Variants in MLXIP observed in about 807,000 individuals in gnomAD.
MLXIP encodes the protein MLX-interacting protein.
In MLXIP, 30 loss-of-function variants were observed where a neutral mutation model predicts 87.2. The ratio of observed to expected loss-of-function variants is 0.34; its 90% CI spans 0.26 to 0.47. The LOEUF is 0.47. MLXIP is among the 20% of genes least tolerant of loss of function. MLXIP has a pLI of 1.00. For missense variants in MLXIP, 1,002 were observed against 1,240.1 expected (o/e 0.81, Z 2.88); for synonymous variants, 530 against 514.0 (o/e 1.03, Z -0.42).
intron 1 of MLXIP, among the ~76,000 whole-genome samples, chr12:122,088,267 G>A (rs1565956917): frequency 6.6e-6 from 1 of 152,186 alleles, no homozygotes; most frequent in South Asian, 2.1e-4. Context: ...TCTCCTGCGG[G>A]CTGTTTCTGC....
intron 1 of MLXIP, among the ~76,000 whole-genome samples, chr12:122,084,703 T>C (rs1261240530): frequency 6.6e-6 from 1 of 152,132 alleles, no homozygotes; most frequent in Non-Finnish European, 1.5e-5. Flanking sequence ...TGCATCACCA[T>C]GCCCAGCTAA....
At chr12:122,084,073 TAG>T (rs778767761) in intron 1 of MLXIP, among the ~76,000 whole-genome samples, 3 of 151,912 alleles carry the variant, frequency 2.0e-5, no homozygotes, top group Non-Finnish European at 2.9e-5. Context: ...CAGATAGTTA[TAG>T]AACAGTTAGT....
intron 1 of MLXIP, among the ~76,000 whole-genome samples, chr12:122,085,308 C>T (rs1401457375): frequency 6.6e-6 from 1 of 152,148 alleles, no homozygotes; most frequent in Admixed American, 6.5e-5. Context: ...CCGCGCTAAG[C>T]CTAACAGCTT....
intron 1 of MLXIP, among the ~76,000 whole-genome samples, chr12:122,089,433 T>C (rs578106022): frequency 6.6e-6 from 1 of 152,352 alleles, no homozygotes; most frequent in East Asian, 1.9e-4. Context: ...AAACAACTGT[T>C]TTCTAGTTGA....
intron 1 of MLXIP, among the ~76,000 whole-genome samples, chr12:122,080,601 G>C (rs1952076994): frequency 6.6e-6 from 1 of 152,158 alleles, no homozygotes; most frequent in East Asian, 1.9e-4. Flanking sequence ...TTTCCCTGAT[G>C]ATCTGTTCCC....
intron 1 of MLXIP, among the ~76,000 whole-genome samples, chr12:122,115,588 C>CAAA (rs35318582): frequency 0.43 from 47,714 of 110,570 alleles, 11,135 homozygotes; most frequent in Middle Eastern, 0.6. Flanking sequence ...AACTCCTTCT[C>CAAA]AAAAAAAAAA....
chr12:122,096,495 C>A (rs1205658020), intron 1 of MLXIP, among the ~76,000 whole-genome samples: 1 of 152,160 alleles, frequency 6.6e-6, no homozygotes, highest in African/African-American at 2.4e-5. Context: ...CTAAAAATGG[C>A]AGCAATTCTT....
At position 122,140,996 on chromosome 12, in the gene MLXIP, A is replaced by G. The variant is rs748449139; in HGVS notation, c.2551A>G (p.Met851Val). 5 of 1,614,016 alleles carry G rather than the reference A, an allele frequency of 3.1e-6. No homozygotes were observed. The highest frequency in any genetic ancestry group is 2.2e-5 in the South Asian group (2 of 91,088). The stretch of plus-strand genomic sequence containing the variant: ...GCCGCTGTTTGAGTCGTTCAAGGGC[A>G]TGGTGTCCACCAGCAGCCTGGAGGA... ...IKPLFESFKG[M>V]VSTSSLEELH... Residue 851 changes from methionine to valine, a missense_variant, in exon 16 of 17, where the codon ATG becomes GTG. Met to Val is a conservative substitution (Grantham distance 21, BLOSUM62 1). Coordinates refer to ENST00000319080, the MANE Select transcript of MLXIP (RefSeq NM_014938.6).
chr12:122,115,133 T>C (rs1316063565), intron 1 of MLXIP, among the ~76,000 whole-genome samples: 1 of 152,204 alleles, frequency 6.6e-6, no homozygotes, highest in Non-Finnish European at 1.5e-5. Flanking sequence ...GAGTTTGCTT[T>C]TGTTCTTTGC....
At chr12:122,138,968 C>T (rs368188489) in intron 15 of MLXIP, 30 bp downstream of exon 15, 47 of 1,612,112 alleles carry the variant, frequency 2.9e-5, no homozygotes, top group Admixed American at 6.7e-5. Context: ...TTGCTCTTCC[C>T]GGCCCTCAGC....
Position 122,109,307 on chromosome 12 carries a change from G to C in MLXIP, c.414-17949G>C, listed in dbSNP as rs552694413. 6.6e-5 allele frequency among the ~76,000 whole-genome samples: 10 copies of C among 152,352 alleles called. No homozygotes were observed. The South Asian group carries it at 2.1e-3, about 32-fold the overall frequency. ...TGGTCTTGAACTCCTGACCTGAAGT[G>C]ATCCGCCCGCCTTGGCCTCCCAAAG... is the stretch of plus-strand genomic sequence containing the variant. On this transcript the variant is annotated intron_variant, in intron 1 of 16. Coordinates refer to ENST00000319080, the MANE Select transcript of MLXIP (RefSeq NM_014938.6).
intron 1 of MLXIP, among the ~76,000 whole-genome samples, chr12:122,083,423 T>C (rs1952120238): frequency 6.6e-6 from 1 of 152,068 alleles, no homozygotes; most frequent in South Asian, 2.1e-4. Context: ...TTCATTCTTT[T>C]TTTTTTTTGA....
chr12:122,135,508 T>G lies in MLXIP; in HGVS notation c.1874T>G (p.Phe625Cys), dbSNP rs1953072297. The G allele has an allele frequency of 1.2e-6, 2 of 1,609,504 alleles. No individual in the cohort carries two copies. Among genetic ancestry groups the G allele is most frequent in the African/African-American group, 2.7e-5 (2 of 74,954 alleles). ...AIARAPGVPE[F>C]HSSILVTDLG... ...CTGCAGGCTCCTGGGGTCCCGGAGT[T>G]CCACAGCAGCATCCTGGTGACAGAT... Residue 625 changes from phenylalanine to cysteine, a missense_variant, in exon 11 of 17, where the codon TTC (phenylalanine) becomes TGC (cysteine). Coordinates refer to ENST00000319080, the MANE Select transcript of MLXIP (RefSeq NM_014938.6). The surrounding 1 kb of genome is among the most constrained non-coding windows in gnomAD (Gnocchi z 5.3).
chr12:122,132,033 C>T (rs1256414398), intron 7 of MLXIP, among the ~76,000 whole-genome samples: 2 of 150,604 alleles, frequency 1.3e-5, no homozygotes, highest in Non-Finnish European at 1.5e-5. Flanking sequence ...AAGCCATTCT[C>T]CTGCCTCAGC....
At chr12:122,140,663 G>A (rs145059536) in intron 15 of MLXIP, among the ~76,000 whole-genome samples, 4 of 152,138 alleles carry the variant, frequency 2.6e-5, no homozygotes, top group Non-Finnish European at 4.4e-5. Flanking sequence ...GATTTTGATC[G>A]CATGTTTGTG....
In MLXIP at chr12:122,135,704, A is replaced by C. The variant is rs1953078763; in HGVS notation, c.2032+38A>C. 6.9e-7 allele frequency: 1 copy of C among 1,457,714 alleles called. No individual in the cohort carries two copies. Among genetic ancestry groups the C allele is most frequent in the Non-Finnish European group, 9.0e-7 (1 of 1,106,658 alleles). The allele number at this position is 1,457,714 out of a possible 1,614,324, so 90.3% of individuals were successfully genotyped here. A position where few individuals can be genotyped will look rare whatever the true frequency, so the allele number is the denominator to read the frequency against. ...TCGGCGGGATGGTTGGGGCATCGCA[A>C]GGGAAGTAACTGGGCCTGCCGTAGA... On this transcript the variant is annotated intron_variant, in intron 11 of 16. Coordinates refer to ENST00000319080, the MANE Select transcript of MLXIP (RefSeq NM_014938.6). This position sits in a 1 kb window ranked among gnomAD's most constrained non-coding sequence, Gnocchi z 5.3.
In MLXIP at chr12:122,135,192, G is replaced by C. The variant is rs759273132; in HGVS notation, c.1733-32G>C. On this transcript the variant is annotated intron_variant, in intron 9 of 16. Transcript: ENST00000319080. The surrounding 1 kb of genome is among the most constrained non-coding windows in gnomAD (Gnocchi z 5.3). Reference sequence around the variant, plus strand: ...GGTGGGCCAGGCCCTGTGGCCCAGGGCTGCACCTGAACATCCTCCTTATCC... The same window carrying C: ...GGTGGGCCAGGCCCTGTGGCCCAGGCCTGCACCTGAACATCCTCCTTATCC... 1 of 1,609,322 alleles carries C rather than the reference G, an allele frequency of 6.2e-7. No homozygotes were observed. The highest frequency in any genetic ancestry group is 1.1e-5 in the South Asian group (1 of 90,216).
At chr12:122,113,984 C>CTTTT (rs141720091) in intron 1 of MLXIP, among the ~76,000 whole-genome samples, 2 of 108,726 alleles carry the variant, frequency 1.8e-5, no homozygotes, top group African/African-American at 3.6e-5. Context: ...TGCACCCGGC[C>CTTTT]TTTTTTTTTT....
intron 1 of MLXIP, among the ~76,000 whole-genome samples, chr12:122,081,261 C>T (rs1952087416): frequency 6.6e-6 from 1 of 152,164 alleles, no homozygotes; most frequent in Admixed American, 6.5e-5. Flanking sequence ...AGGTCGGCCA[C>T]CTAAGGTCTA....
Sources: gnomAD v4.1 joint callset for allele counts (sites outside exome capture counted in the v4.1 genomes callset) on GRCh38, gnomAD v4.1.1 for gene constraint, Gnocchi (gnomAD v3.1) non-coding constraint, MANE v1.5 for transcripts, NCBI Gene and HGNC (gene_info 2026-07-23, HGNC 2026-07-21) for gene names.